PHACTR2: variants seen among roughly 807,000 people sequenced by gnomAD.
The protein encoded by PHACTR2 is phosphatase and actin regulator 2, also known as chromosome 6 open reading frame 56.
Under a neutral mutation model 76.0 loss-of-function variants are expected in PHACTR2, and 30 were observed. That is an observed-to-expected ratio of 0.39 (90% confidence interval 0.30 to 0.54). PHACTR2 has a LOEUF of 0.54. PHACTR2 is among the 20% of genes least tolerant of loss of function. PHACTR2 has a pLI of 0.61. For synonymous variants in PHACTR2, 292 were observed against 292.5 expected, an observed-to-expected ratio of 1.00 and a Z score of 0.02; for missense variants, 696 against 781.1, an observed-to-expected ratio of 0.89 and a Z score of 1.30.
At chr6:143,677,611 A>C (rs1269085692), upstream of PHACTR2, among the ~76,000 whole-genome samples, 1 of 152,256 alleles carries the variant, frequency 6.6e-6, no homozygotes, top group African/African-American at 2.4e-5. Flanking sequence ...AAAAATGGGC[A>C]CAAGACATGA....
At chr6:143,637,969 C>G (rs1259598426) in intron 1 of PHACTR2, among the ~76,000 whole-genome samples, 1 of 152,192 alleles carries the variant, frequency 6.6e-6, no homozygotes, top group Non-Finnish European at 1.5e-5. Context: ...CACCAGGAGG[C>G]AGTGATCATG....
intron 1 of PHACTR2, among the ~76,000 whole-genome samples, chr6:143,644,467 C>CAA (rs373621895): frequency 0.028 from 3,169 of 111,230 alleles, 237 homozygotes; most frequent in African/African-American, 0.092. Context: ...GACTCCATCT[C>CAA]AAAAAAAAAA....
Position 143,648,354 on chromosome 6 carries a change from C to T in PHACTR2, c.13+40032C>T, listed in dbSNP as rs145754141. On this transcript the variant is annotated intron_variant, in intron 1 of 11. Coordinates refer to the PHACTR2 transcript ENST00000305766. The surrounding 1 kb of genome is among the most constrained non-coding windows in gnomAD (Gnocchi z 6.7). The stretch of plus-strand genomic sequence containing the variant: ...TCACTTTGCCTTATTATTTACTAAG[C>T]GTTCATCATAGTTCTAAATAGATTC... 2.8e-4 allele frequency among the ~76,000 whole-genome samples: 43 copies of T among 152,140 alleles called. No individual in the cohort carries two copies. The highest frequency in any genetic ancestry group is 9.2e-4 in the African/African-American group (38 of 41,490).
At chr6:143,768,963 T>C (rs150340819) in intron 6 of PHACTR2, among the ~76,000 whole-genome samples, 106 of 152,344 alleles carry the variant, frequency 7.0e-4, no homozygotes, top group Middle Eastern at 6.8e-3. Context: ...AAATTCCTTC[T>C]GCCTTTTTCA....
At position 143,809,166 on chromosome 6, in the gene PHACTR2, TA is replaced by T. The variant is rs1776124248; in HGVS notation, c.1922+2036del. On this transcript the variant is annotated intron_variant, in intron 12 of 12. Transcript: ENST00000440869. This position sits in a 1 kb window ranked among gnomAD's most constrained non-coding sequence, Gnocchi z 4.2. The stretch of plus-strand genomic sequence containing the variant: ...CTTATCTTCATTTGATAGCATGATA[TA>T]AAGAACAAATTACAGTCAAAAGGAA... Among the ~76,000 whole-genome samples the T allele has an allele frequency of 6.6e-6, 1 of 152,226 alleles. No individual in the cohort carries two copies. Among genetic ancestry groups the T allele is most frequent in the Non-Finnish European group, 1.5e-5 (1 of 68,042 alleles).
At chr6:143,673,233 A>G (rs1456474656), upstream of PHACTR2, among the ~76,000 whole-genome samples, 2 of 152,204 alleles carry the variant, frequency 1.3e-5, no homozygotes, top group African/African-American at 2.4e-5. Flanking sequence ...AGAGGGGCAT[A>G]CAAAAGAAAA....
chr6:143,588,633 A>G lies in PHACTR2; in HGVS notation c.217+51426A>G, dbSNP rs112199782. 9.2e-3 allele frequency among the ~76,000 whole-genome samples: 1,396 copies of G among 152,338 alleles called. 25 individuals carry two copies. The highest frequency in any genetic ancestry group is 0.032 in the African/African-American group (1,340 of 41,568). The stretch of plus-strand genomic sequence containing the variant: ...AGATAAATGTAAGAGTTCATGAAAT[A>G]GAAAACAAATATATGAGGATCAACG... On this transcript the variant is annotated intron_variant, in intron 1 of 11. Transcript: ENST00000367584.
chr6:143,734,057 G>A (rs1218534652), intron 2 of PHACTR2, among the ~76,000 whole-genome samples: 1 of 151,966 alleles, frequency 6.6e-6, no homozygotes, highest in Non-Finnish European at 1.5e-5. Context: ...ATACATAGGT[G>A]GATGGAAAGA....
Position 143,549,284 on chromosome 6 carries a change from G to A in PHACTR2, c.217+12077G>A, listed in dbSNP as rs1775051892. ...ATGGAACAATATGGTAGTGAGGCCA[G>A]TTCAAACCCTTGCTTTCTGGGGATT... On this transcript the variant is annotated intron_variant, in intron 1 of 11. Coordinates refer to the PHACTR2 transcript ENST00000367584. This position sits in a 1 kb window ranked among gnomAD's most constrained non-coding sequence, Gnocchi z 4.2. Among the ~76,000 whole-genome samples the A allele has an allele frequency of 6.6e-6, 1 of 152,040 alleles. No homozygotes were observed. The highest frequency in any genetic ancestry group is 2.4e-5 in the African/African-American group (1 of 41,428).
chr6:143,770,412 G>A (rs1032183509), intron 6 of PHACTR2, among the ~76,000 whole-genome samples: 4 of 152,204 alleles, frequency 2.6e-5, no homozygotes, highest in Non-Finnish European at 4.4e-5. Context: ...AAAAAGTTCT[G>A]AAGATGGTTG....
chr6:143,543,378 A>G lies in PHACTR2; in HGVS notation c.217+6171A>G, dbSNP rs1481973791. Among the ~76,000 whole-genome samples the G allele has an allele frequency of 6.6e-6, 1 of 152,236 alleles. No homozygotes were observed. Among genetic ancestry groups the G allele is most frequent in the Non-Finnish European group, 1.5e-5 (1 of 68,038 alleles). ...CAACAAATGGCTAGTGAGCTAACAC[A>G]AAGGTTGCAAAGACATCCCTCAGGA... is the stretch of plus-strand genomic sequence containing the variant. On this transcript the variant is annotated intron_variant, in intron 1 of 11. Transcript: ENST00000367584. The surrounding 1 kb of genome is among the most constrained non-coding windows in gnomAD (Gnocchi z 4.7).
chr6:143,770,401 GA>G (rs1775074718), intron 6 of PHACTR2, among the ~76,000 whole-genome samples: 1 of 152,126 alleles, frequency 6.6e-6, no homozygotes, highest in African/African-American at 2.4e-5. Context: ...TTGGGAAGAC[GA>G]AAAAGTTCTG....
At chr6:143,790,597 G>A (rs1775658860) in intron 11 of PHACTR2, among the ~76,000 whole-genome samples, 1 of 151,858 alleles carries the variant, frequency 6.6e-6, no homozygotes, top group South Asian at 2.1e-4. Context: ...TTTCTTTTGG[G>A]TTGTCAATTT....
chr6:143,580,177 C>T lies in PHACTR2; in HGVS notation c.217+42970C>T, dbSNP rs1213528527. ...TAGCTTCGTCTCAAAAGTGATATCCCATCCCTTTAGAAGGGAGTCAACTTG... is the reference window on the plus strand; with the variant it reads ...TAGCTTCGTCTCAAAAGTGATATCCTATCCCTTTAGAAGGGAGTCAACTTG... On this transcript the variant is annotated intron_variant, in intron 1 of 11. Transcript: ENST00000367584. The surrounding 1 kb of genome is among the most constrained non-coding windows in gnomAD (Gnocchi z 4.2). Among the ~76,000 whole-genome samples the T allele has an allele frequency of 1.3e-5, 2 of 152,140 alleles. No individual in the cohort carries two copies. Among genetic ancestry groups the T allele is most frequent in the East Asian group, 3.9e-4 (2 of 5,194 alleles).
chr6:143,760,273 C>T lies in PHACTR2; in HGVS notation c.455-128C>T. The T allele has an allele frequency of 1.3e-6, 1 of 786,354 alleles. No homozygotes were observed. Among genetic ancestry groups the T allele is most frequent in the Non-Finnish European group, 2.0e-6 (1 of 492,950 alleles). 48.7% of individuals were successfully genotyped at this position (786,354 alleles called of 1,614,324 possible). A position where few individuals can be genotyped will look rare whatever the true frequency, so the allele number is the denominator to read the frequency against. The stretch of plus-strand genomic sequence containing the variant: ...ACCCTAAACTGTGCTCTGTCTGGTG[C>T]AGAACTCCATGCTGATTCTCAAGTA... On this transcript the variant is annotated intron_variant, in intron 4 of 12. Coordinates refer to ENST00000440869, the MANE Select transcript of PHACTR2 (RefSeq NM_001100164.2). This position sits in a 1 kb window ranked among gnomAD's most constrained non-coding sequence, Gnocchi z 6.4.
chr6:143,818,612 A>T lies in PHACTR2; in HGVS notation c.1923-5062A>T, dbSNP rs1009066299. The stretch of plus-strand genomic sequence containing the variant: ...AGAGATTTAATTGACTCACAGTTCC[A>T]TGTGGCTGGGGAGGTCTCAGGAAAC... On this transcript the variant is annotated intron_variant, in intron 12 of 12. Transcript: ENST00000440869. This position sits in a 1 kb window ranked among gnomAD's most constrained non-coding sequence, Gnocchi z 4.9. 2.6e-5 allele frequency among the ~76,000 whole-genome samples: 4 copies of T among 152,200 alleles called. No homozygotes were observed. The highest frequency in any genetic ancestry group is 6.5e-5 in the Admixed American group (1 of 15,282).
chr6:143,616,324 T>C lies in PHACTR2; in HGVS notation c.13+8002T>C, dbSNP rs1776058765. 6.6e-6 allele frequency among the ~76,000 whole-genome samples: 1 copy of C among 152,260 alleles called. No individual in the cohort carries two copies. The highest frequency in any genetic ancestry group is 1.5e-5 in the Non-Finnish European group (1 of 68,048). ...TCATTCAGTCCTGGCACAGCATTTA[T>C]ACCTTTACAGGTGTCAAGTTCAAAT... On this transcript the variant is annotated intron_variant, in intron 1 of 11. Transcript: ENST00000305766. This position sits in a 1 kb window ranked among gnomAD's most constrained non-coding sequence, Gnocchi z 4.9.
chr6:143,577,235 A>C (rs1450363956), intron 1 of PHACTR2, among the ~76,000 whole-genome samples: 1 of 152,234 alleles, frequency 6.6e-6, no homozygotes, highest in Non-Finnish European at 1.5e-5. Context: ...TCTGTGTCCA[A>C]AACCCTGTGC....
intron 2 of PHACTR2, among the ~76,000 whole-genome samples, chr6:143,720,187 T>C (rs1402534931): frequency 6.6e-6 from 1 of 152,210 alleles, no homozygotes; most frequent in Non-Finnish European, 1.5e-5. Context: ...ACATACAATA[T>C]GTCAGGAACT....
Sources: gnomAD v4.1 joint callset for allele counts (sites outside exome capture counted in the v4.1 genomes callset) on GRCh38, gnomAD v4.1.1 for gene constraint, Gnocchi (gnomAD v3.1) non-coding constraint, MANE v1.5 for transcripts, NCBI Gene and HGNC (gene_info 2026-07-23, HGNC 2026-07-21) for gene names.